The following SDK1 variants were observed in gnomAD, a reference collection of about 807,000 sequenced individuals.
SDK1 encodes sidekick cell adhesion molecule 1, also known as protein sidekick-1.
Under a neutral mutation model 245.5 loss-of-function variants are expected in SDK1, and 157 were observed. The ratio of observed to expected loss-of-function variants is 0.64; its 90% CI spans 0.56 to 0.73. The LOEUF is 0.73. Among genes scored for constraint, SDK1 ranks in the 30% least tolerant of loss-of-function variants. The pLI is 0.00. For missense variants in SDK1, 3,583 were observed against 3,002.3 expected (o/e 1.19, Z -4.52); for synonymous variants, 1,647 against 1,278.5 (o/e 1.29, Z -6.15).
At chr7:3,942,855 T>C (rs754822196) in intron 5 of SDK1, among the ~76,000 whole-genome samples, 3 of 152,238 alleles carry the variant, frequency 2.0e-5, no homozygotes, top group Non-Finnish European at 4.4e-5. Flanking sequence ...TGTCTATTTA[T>C]GTGGTTCATG....
intron 4 of SDK1, among the ~76,000 whole-genome samples, chr7:3,729,466 T>C (rs1204429577): frequency 1.3e-5 from 2 of 152,176 alleles, no homozygotes; most frequent in Non-Finnish European, 2.9e-5. Flanking sequence ...GGGGCCACAT[T>C]TGCCATCTTG....
chr7:3,505,524 G>A (rs1248755998), intron 1 of SDK1, among the ~76,000 whole-genome samples: 7 of 152,102 alleles, frequency 4.6e-5, no homozygotes, highest in African/African-American at 1.4e-4. Context: ...GTGCTATGGT[G>A]ATAGGCATGA....
At chr7:3,581,173 C>T (rs560135351) in intron 1 of SDK1, among the ~76,000 whole-genome samples, 1 of 152,080 alleles carries the variant, frequency 6.6e-6, no homozygotes, top group South Asian at 2.1e-4. Flanking sequence ...AGTATGCAGA[C>T]AATCTGTAGA....
chr7:3,605,740 T>C (rs931528062), intron 1 of SDK1, among the ~76,000 whole-genome samples: 13 of 152,226 alleles, frequency 8.5e-5, no homozygotes, highest in Non-Finnish European at 1.8e-4. Flanking sequence ...AGTAAAATTA[T>C]TTCAGAGCTT....
intron 10 of SDK1, 108 bp downstream of exon 10, chr7:3,967,542 T>A: frequency 1.4e-6 from 1 of 722,332 alleles, no homozygotes; most frequent in Non-Finnish European, 2.4e-6. Flanking sequence ...ATGCATTCAC[T>A]CAATGAAGAT....
At chr7:3,885,772 C>T (rs1017415044) in intron 5 of SDK1, among the ~76,000 whole-genome samples, 19 of 152,160 alleles carry the variant, frequency 1.2e-4, no homozygotes, top group African/African-American at 4.3e-4. Flanking sequence ...TTGTACAGTT[C>T]CATTGAAGCC....
At chr7:3,847,195 C>T (rs1276203182) in intron 5 of SDK1, among the ~76,000 whole-genome samples, 2 of 152,122 alleles carry the variant, frequency 1.3e-5, no homozygotes, top group Non-Finnish European at 2.9e-5. Context: ...ACTCCTGGAA[C>T]TCACATGTGT....
At chr7:3,457,291 C>G (rs1025953911) in intron 1 of SDK1, among the ~76,000 whole-genome samples, 1 of 152,170 alleles carries the variant, frequency 6.6e-6, no homozygotes, top group African/African-American at 2.4e-5. Context: ...ATTACGTTGT[C>G]CCTTCAGTCT....
At chr7:4,067,748 T>A in intron 19 of SDK1, 90 bp from the exon 20 acceptor site, 1 of 908,472 alleles carries the variant, frequency 1.1e-6, no homozygotes, top group East Asian at 2.6e-5. Flanking sequence ...CTCACCACTT[T>A]CCTTCCATAG....
rs1039968536 is a variant in SDK1, at chr7:3,814,199, C to G, written c.714-7251C>G. On this transcript the variant is annotated intron_variant, in intron 4 of 44. Coordinates refer to ENST00000404826, the MANE Select transcript of SDK1 (RefSeq NM_152744.4). ...TAAAGTCCTTGCCCATGCCTATGTC[C>G]TGAATGGTAATGCCTAGGTTATCTT... Among the ~76,000 whole-genome samples, 974 of 151,364 alleles carry G rather than the reference C, an allele frequency of 6.4e-3. 6 individuals carry two copies. The highest frequency in any genetic ancestry group is 0.011 in the Non-Finnish European group (718 of 67,786).
intron 4 of SDK1, among the ~76,000 whole-genome samples, chr7:3,731,195 A>G (rs1472130440): frequency 1.3e-5 from 2 of 152,188 alleles, no homozygotes; most frequent in Non-Finnish European, 2.9e-5. Flanking sequence ...ATGGCCTCCA[A>G]TAGATCCCTC....
intron 25 of SDK1, 88 bp downstream of exon 25, chr7:4,114,362 G>A (rs143936506): frequency 6.9e-5 from 71 of 1,036,484 alleles, no homozygotes; most frequent in East Asian, 1.3e-4. Context: ...GGCTAGTGGC[G>A]TCTCATTGGC....
At chr7:3,442,012 C>G (rs932721729) in intron 1 of SDK1, among the ~76,000 whole-genome samples, 5 of 152,162 alleles carry the variant, frequency 3.3e-5, no homozygotes, top group African/African-American at 1.2e-4. Context: ...CAAGCATCCT[C>G]ACGCCACAGA....
At chr7:3,996,993 T>C (rs1784734866) in intron 14 of SDK1, among the ~76,000 whole-genome samples, 1 of 152,180 alleles carries the variant, frequency 6.6e-6, no homozygotes, top group African/African-American at 2.4e-5. Flanking sequence ...TAAGGGAGTT[T>C]TGACAAATAT....
chr7:3,362,415 T>C (rs1780978124), intron 1 of SDK1, among the ~76,000 whole-genome samples: 1 of 152,170 alleles, frequency 6.6e-6, no homozygotes, highest in Admixed American at 6.5e-5. Flanking sequence ...ATTTTGGTGA[T>C]TGTGTTTGAT....
chr7:3,354,317 A>T (rs889860703), intron 1 of SDK1, among the ~76,000 whole-genome samples: 1 of 151,910 alleles, frequency 6.6e-6, no homozygotes, highest in Non-Finnish European at 1.5e-5. Context: ...CATTCAGATT[A>T]TTAAGTCAAA....
At chr7:3,427,729 T>G (rs1032895564) in intron 1 of SDK1, among the ~76,000 whole-genome samples, 2 of 152,196 alleles carry the variant, frequency 1.3e-5, no homozygotes, top group Non-Finnish European at 2.9e-5. Context: ...TTCATTAATG[T>G]GAAGTTTTTT....
At chr7:3,438,142 T>C (rs1349052187) in intron 1 of SDK1, among the ~76,000 whole-genome samples, 2 of 152,230 alleles carry the variant, frequency 1.3e-5, no homozygotes, top group Non-Finnish European at 2.9e-5. Context: ...AGAGTGCTTT[T>C]AATGTTCTGC....
At chr7:3,410,518 G>C (rs1159456240) in intron 1 of SDK1, among the ~76,000 whole-genome samples, 1 of 151,664 alleles carries the variant, frequency 6.6e-6, no homozygotes, top group Non-Finnish European at 1.5e-5. Context: ...GCTGTGACTG[G>C]AGCAATGTAA....
Sources: gnomAD v4.1 joint callset for allele counts (sites outside exome capture counted in the v4.1 genomes callset) on GRCh38, gnomAD v4.1.1 for gene constraint, MANE v1.5 for transcripts, NCBI Gene and HGNC (gene_info 2026-07-23, HGNC 2026-07-21) for gene names.